ITGA8: variants seen among roughly 807,000 people sequenced by gnomAD.
ITGA8 encodes the protein integrin subunit alpha 8.
In ITGA8, 91 loss-of-function variants were observed where a neutral mutation model predicts 142.3. That is an observed-to-expected ratio of 0.64 (90% confidence interval 0.54 to 0.76). The LOEUF (loss-of-function observed/expected upper bound fraction) is 0.76, where lower values mean the gene tolerates loss of function less well. Ranked by LOEUF, ITGA8 falls within the 30% of genes least tolerant of loss-of-function variation. The pLI is 0.00. For missense variants in ITGA8, 1,406 were observed against 1,327.7 expected, an observed-to-expected ratio of 1.06 and a Z score of -0.92; for synonymous variants, 505 against 485.2, an observed-to-expected ratio of 1.04 and a Z score of -0.54.
At position 15,655,178 on chromosome 10, in the gene ITGA8, G is replaced by C. The variant is rs9333132; in HGVS notation, c.1001+176C>G. ...GAAAATCTCCTTAAGGACAAAATCA[G>C]ATGACAGAGAATTATTTAATAGATG... On this transcript the variant is annotated intron_variant, in intron 11 of 29. Coordinates refer to ENST00000378076, the MANE Select transcript of ITGA8 (RefSeq NM_003638.3). Among the ~76,000 whole-genome samples the C allele has an allele frequency of 1.1e-3, 168 of 152,318 alleles. 1 individual carries two copies. The highest frequency in any genetic ancestry group is 3.8e-3 in the African/African-American group (158 of 41,564).
intron 1 of ITGA8, 92 bp downstream of exon 1, chr10:15,719,471 A>G: frequency 8.3e-7 from 1 of 1,206,512 alleles, no homozygotes; most frequent in Non-Finnish European, 1.1e-6. Context: ...CGGGGATCCC[A>G]GGCTGCGGGG....
chr10:15,544,456 T>G (rs1473061207), intron 27 of ITGA8, among the ~76,000 whole-genome samples: 1 of 152,196 alleles, frequency 6.6e-6, no homozygotes, highest in African/African-American at 2.4e-5. Context: ...TTTTGGACTT[T>G]GAGAGAATAA....
chr10:15,532,665 G>A (rs1833332938), intron 27 of ITGA8, among the ~76,000 whole-genome samples: 1 of 152,016 alleles, frequency 6.6e-6, no homozygotes, highest in Non-Finnish European at 1.5e-5. Context: ...GCTCTCTTTT[G>A]TTGGATACAA....
In ITGA8 at chr10:15,523,601, T is replaced by A. The variant is rs76651421; in HGVS notation, c.2983-4189A>T. ...GTTGCCAGTCTGCTTCCAGTAACAT[T>A]AAGTTTGTTTAAAAAATACCACTTT... On this transcript the variant is annotated intron_variant, in intron 28 of 29. Transcript: ENST00000378076. Among the ~76,000 whole-genome samples, 22 of 152,152 alleles carry A rather than the reference T, an allele frequency of 1.4e-4. No homozygotes were observed. The East Asian group carries it at 3.9e-3, about 27-fold the overall frequency.
intron 3 of ITGA8, among the ~76,000 whole-genome samples, chr10:15,685,850 C>T (rs992346910): frequency 3.3e-5 from 5 of 152,166 alleles, no homozygotes; most frequent in African/African-American, 1.2e-4. Context: ...TTTAGATTCT[C>T]ACAAGAGCAC....
At chr10:15,529,531 C>T (rs143469656) in intron 28 of ITGA8, among the ~76,000 whole-genome samples, 96 of 152,316 alleles carry the variant, frequency 6.3e-4, no homozygotes, top group Middle Eastern at 6.8e-3. Flanking sequence ...TCAACCCTGG[C>T]TCCCCTGCAG....
intron 25 of ITGA8, among the ~76,000 whole-genome samples, chr10:15,570,384 G>A (rs1588650712): frequency 6.6e-6 from 1 of 152,102 alleles, no homozygotes; most frequent in East Asian, 1.9e-4. Flanking sequence ...GAGGTGGGCG[G>A]ATCACCTGAG....
intron 15 of ITGA8, among the ~76,000 whole-genome samples, chr10:15,613,075 C>A (rs1016291963): frequency 6.6e-6 from 1 of 152,092 alleles, no homozygotes; most frequent in East Asian, 1.9e-4. Context: ...ACACGAGAAT[C>A]GCTTGGACCT....
intron 2 of ITGA8, among the ~76,000 whole-genome samples, chr10:15,698,584 A>T (rs1004211675): frequency 1.3e-5 from 2 of 152,258 alleles, no homozygotes; most frequent in African/African-American, 4.8e-5. Context: ...TTTTTTTAAA[A>T]TTTTTTAATT....
At chr10:15,716,705 T>C (rs192911522) in intron 2 of ITGA8, among the ~76,000 whole-genome samples, 4 of 148,300 alleles carry the variant, frequency 2.7e-5, no homozygotes, top group African/African-American at 1.0e-4. Context: ...AGTTTCACTC[T>C]TGTTGCCCAG....
At position 15,670,663 on chromosome 10, in the gene ITGA8, G is replaced by T. The variant is rs142682164; in HGVS notation, c.847+940C>A. ...TCTCATCTCAATCAAATCTACATAG[G>T]CAGCCAGTGTGATTTGTTCTCTTTT... On this transcript the variant is annotated intron_variant, in intron 8 of 29. Transcript: ENST00000378076. 1.3e-3 allele frequency among the ~76,000 whole-genome samples: 200 copies of T among 152,274 alleles called. 1 individual carries two copies. Among genetic ancestry groups the T allele is most frequent in the African/African-American group, 4.5e-3 (189 of 41,558 alleles).
intron 25 of ITGA8, among the ~76,000 whole-genome samples, chr10:15,559,749 C>A (rs533949877): frequency 2.1e-5 from 3 of 141,184 alleles, no homozygotes; most frequent in African/African-American, 7.9e-5. Flanking sequence ...TGCATGTTCT[C>A]ACTTATAAGT....
intron 26 of ITGA8, 148 bp from the exon 27 acceptor site, chr10:15,548,716 C>A: frequency 3.8e-6 from 2 of 531,074 alleles, no homozygotes; most frequent in Non-Finnish European, 6.5e-6. Context: ...ATTGCAACAA[C>A]CAAGAAAACA....
At chr10:15,671,455 T>C (rs1313703313) in intron 8 of ITGA8, 148 bp downstream of exon 8, 1 of 597,370 alleles carries the variant, frequency 1.7e-6, no homozygotes, top group Admixed American at 3.0e-5. Context: ...TATCAAAGTA[T>C]TTTTTCTACA....
At chr10:15,628,896 G>A (rs1055925351) in intron 13 of ITGA8, among the ~76,000 whole-genome samples, 21 of 151,896 alleles carry the variant, frequency 1.4e-4, no homozygotes, top group African/African-American at 2.7e-4. Flanking sequence ...TTAACTGTGC[G>A]AGTACTTTAC....
intron 2 of ITGA8, among the ~76,000 whole-genome samples, chr10:15,689,940 A>G (rs996280977): frequency 2.0e-5 from 3 of 152,058 alleles, no homozygotes; most frequent in African/African-American, 7.2e-5. Context: ...ACCAACTCAT[A>G]CAATGGAGGG....
intron 28 of ITGA8, among the ~76,000 whole-genome samples, chr10:15,519,622 T>C (rs774548058): frequency 2.3e-4 from 35 of 152,082 alleles, no homozygotes; most frequent in Admixed American, 1.2e-3. Context: ...AAAGTCTAAT[T>C]AGAGATTTGG....
chr10:15,603,123 T>A (rs1473130419), intron 20 of ITGA8, among the ~76,000 whole-genome samples: 4 of 126,690 alleles, frequency 3.2e-5, no homozygotes, highest in African/African-American at 1.1e-4. Context: ...ATCTAGATTT[T>A]TTAATTTTTT....
intron 28 of ITGA8, among the ~76,000 whole-genome samples, chr10:15,527,537 G>A (rs968342717): frequency 2.6e-5 from 4 of 152,120 alleles, no homozygotes; most frequent in Non-Finnish European, 4.4e-5. Context: ...TCAGTGTTCA[G>A]GCATATTTCT....
Sources: gnomAD v4.1 joint callset for allele counts (sites outside exome capture counted in the v4.1 genomes callset) on GRCh38, gnomAD v4.1.1 for gene constraint, MANE v1.5 for transcripts, NCBI Gene and HGNC (gene_info 2026-07-23, HGNC 2026-07-21) for gene names.